PPFIA2: variants seen among roughly 807,000 people sequenced by gnomAD.
PPFIA2 encodes PPFI scaffold protein A2.
Under a neutral mutation model 175.5 loss-of-function variants are expected in PPFIA2, and 46 were observed. The observed-to-expected ratio is 0.26, with a 90% CI of 0.21 to 0.34. The LOEUF (loss-of-function observed/expected upper bound fraction) is 0.34. Among genes scored for constraint, PPFIA2 ranks in the 10% least tolerant of loss-of-function variants. PPFIA2 has a pLI of 1.00. For missense variants in PPFIA2, 1,179 were observed against 1,506.1 expected (o/e 0.78, Z 3.60); for synonymous variants, 568 against 511.4 (o/e 1.11, Z -1.49).
chr12:81,722,846 C>T (rs991241617), intron 3 of PPFIA2, among the ~76,000 whole-genome samples: 12 of 151,032 alleles, frequency 7.9e-5, no homozygotes, highest in South Asian at 4.1e-4. Flanking sequence ...TATGTAAGCA[C>T]GCTGTGCTAC....
intron 5 of PPFIA2, among the ~76,000 whole-genome samples, chr12:81,456,986 T>C (rs1406140077): frequency 6.6e-6 from 1 of 151,772 alleles, no homozygotes; most frequent in Non-Finnish European, 1.5e-5. Context: ...CACTATTTTT[T>C]GTTTCCTTTT....
At chr12:81,369,443 A>AT in intron 11 of PPFIA2, 1 of 1,318,616 alleles carries the variant, frequency 7.6e-7, no homozygotes, top group Non-Finnish European at 9.7e-7. Context: ...CAAATGTAAC[A>AT]TGCAGACTGT....
intron 4 of PPFIA2, among the ~76,000 whole-genome samples, chr12:81,482,629 A>G (rs963440475): frequency 6.6e-6 from 1 of 152,114 alleles, no homozygotes; most frequent in African/African-American, 2.4e-5. Flanking sequence ...CAGCTAACCA[A>G]CACAGGAACA....
At chr12:81,581,302 A>C (rs142441221) in intron 4 of PPFIA2, among the ~76,000 whole-genome samples, 1,578 of 151,890 alleles carry the variant, frequency 0.01, 30 homozygotes, top group African/African-American at 0.033. Flanking sequence ...TGATTAAACG[A>C]GGTCCAGATT....
intron 4 of PPFIA2, among the ~76,000 whole-genome samples, chr12:81,464,720 C>A (rs748196001): frequency 6.6e-6 from 1 of 152,098 alleles, no homozygotes; most frequent in Admixed American, 6.6e-5. Context: ...ATAACCTCTT[C>A]TGGTCAACTT....
At chr12:81,534,151 C>G (rs1377249290) in intron 4 of PPFIA2, among the ~76,000 whole-genome samples, 1 of 151,290 alleles carries the variant, frequency 6.6e-6, no homozygotes, top group Middle Eastern at 3.2e-3. Context: ...ATGGTAGTTA[C>G]CAGAGGCTGG....
At chr12:81,505,145 T>C (rs2061009190) in intron 4 of PPFIA2, among the ~76,000 whole-genome samples, 1 of 151,990 alleles carries the variant, frequency 6.6e-6, no homozygotes, top group Non-Finnish European at 1.5e-5. Context: ...TTTTGACAAG[T>C]TCCTCCGAAT....
intron 4 of PPFIA2, among the ~76,000 whole-genome samples, chr12:81,657,096 A>G (rs1402658528): frequency 6.6e-6 from 1 of 152,214 alleles, no homozygotes; most frequent in African/African-American, 2.4e-5. Flanking sequence ...GACTGTAAGC[A>G]CTTGAAAAGA....
chr12:81,752,875 A>C (rs1215223747), intron 3 of PPFIA2, among the ~76,000 whole-genome samples: 1 of 152,160 alleles, frequency 6.6e-6, no homozygotes, highest in African/African-American at 2.4e-5. Flanking sequence ...GGGGGTGAGT[A>C]TCAAAAATCC....
intron 7 of PPFIA2, among the ~76,000 whole-genome samples, chr12:81,416,697 G>T (rs117880238): frequency 0.092 from 13,978 of 151,632 alleles, 847 homozygotes; most frequent in Middle Eastern, 0.16. Flanking sequence ...CTCCCACAGG[G>T]CTCTTTGCCC....
At chr12:81,542,789 C>A (rs1052675017) in intron 4 of PPFIA2, among the ~76,000 whole-genome samples, 2 of 152,218 alleles carry the variant, frequency 1.3e-5, no homozygotes, top group Non-Finnish European at 2.9e-5. Context: ...AATCTGGAAG[C>A]CATTCTTTTG....
intron 22 of PPFIA2, among the ~76,000 whole-genome samples, chr12:81,301,486 T>G (rs1032449952): frequency 6.6e-5 from 10 of 152,194 alleles, no homozygotes; most frequent in Admixed American, 6.5e-4. Flanking sequence ...GCTTTCATTT[T>G]GAAACTTCTG....
At position 81,405,849 on chromosome 12, in the gene PPFIA2, C is replaced by A. The variant is rs866062171; in HGVS notation, c.700G>T (p.Glu234Ter). 2 of 1,581,086 alleles carry A rather than the reference C, an allele frequency of 1.3e-6. No individual in the cohort carries two copies. Among genetic ancestry groups the A allele is most frequent in the African/African-American group, 1.3e-5 (1 of 74,518 alleles). The change falls in exon 8 of 33, where the codon GAG becomes TAG. Residue 234 changes from glutamate to a stop codon, truncating the protein, a stop_gained. Transcript: ENST00000549396. LOFTEE classifies it high-confidence loss of function. The part of the protein sequence containing the change: ...VHIQRKMASS[E>*]GSTESEHLEG... The stretch of plus-strand genomic sequence containing the variant: ...AGATGTTCTGACTCTGTGGATCCCT[C>A]GCTTGATGCCATTTTTCTTTGTATA...
rs191358617 is a variant in PPFIA2, at chr12:81,720,709, A to G, written c.249+33264T>C. Reference sequence around the variant, plus strand: ...AATTCATCTTATGTACAAACACCTTATCAATTGTCCCTTAGTTCCTGCTCA... The same window carrying G: ...AATTCATCTTATGTACAAACACCTTGTCAATTGTCCCTTAGTTCCTGCTCA... On this transcript the variant is annotated intron_variant, in intron 3 of 32. Transcript: ENST00000549396. Among the ~76,000 whole-genome samples the G allele has an allele frequency of 4.3e-3, 652 of 151,516 alleles. 5 individuals carry two copies. Among genetic ancestry groups the G allele is most frequent in the African/African-American group, 0.015 (621 of 41,468 alleles).
chr12:81,754,596 C>T (rs553314914), intron 2 of PPFIA2, among the ~76,000 whole-genome samples: 8 of 152,226 alleles, frequency 5.3e-5, no homozygotes, highest in South Asian at 4.1e-4. Context: ...TCTCTTACAG[C>T]GAATACTTTT....
chr12:81,756,941 C>T (rs1021866451), intron 2 of PPFIA2, among the ~76,000 whole-genome samples: 6 of 152,094 alleles, frequency 3.9e-5, no homozygotes, highest in African/African-American at 1.4e-4. Flanking sequence ...CTGCTTATAC[C>T]TTGCAGTCAA....
chr12:81,552,320 C>T (rs2068062197), intron 4 of PPFIA2, among the ~76,000 whole-genome samples: 1 of 151,746 alleles, frequency 6.6e-6, no homozygotes, highest in African/African-American at 2.4e-5. Flanking sequence ...TTTCATATTA[C>T]ATTGTGTCCC....
chr12:81,358,510 A>G (rs1446693705), intron 15 of PPFIA2, among the ~76,000 whole-genome samples: 1 of 152,164 alleles, frequency 6.6e-6, no homozygotes, highest in Non-Finnish European at 1.5e-5. Context: ...AATGAATCAT[A>G]ATAAGACTGA....
chr12:81,564,662 G>A (rs923598810), intron 4 of PPFIA2, among the ~76,000 whole-genome samples: 2 of 152,160 alleles, frequency 1.3e-5, no homozygotes, highest in African/African-American at 4.8e-5. Context: ...GCTTGTGAGA[G>A]GCAAGCAGTT....
Sources: allele counts gnomAD v4.1 joint callset (sites outside exome capture counted in the v4.1 genomes callset), GRCh38; gene constraint gnomAD v4.1.1; transcripts MANE v1.5; gene names NCBI Gene and HGNC (gene_info 2026-07-23, HGNC 2026-07-21).